Variants in CTIF observed in about 807,000 individuals in gnomAD.
The protein encoded by CTIF is cap binding complex dependent translation initiation factor.
Under a neutral mutation model 66.0 loss-of-function variants are expected in CTIF, and 21 were observed. That is an observed-to-expected ratio of 0.32 (90% CI 0.23 to 0.46). The LOEUF is 0.46. Among genes scored for constraint, CTIF ranks in the 20% least tolerant of loss-of-function variants. The pLI is 1.00. For synonymous variants in CTIF, 345 were observed against 326.4 expected, an observed-to-expected ratio of 1.06 and a Z score of -0.62; for missense variants, 739 against 812.7, an observed-to-expected ratio of 0.91 and a Z score of 1.10.
intron 7 of CTIF, among the ~76,000 whole-genome samples, chr18:48,750,437 A>T (rs957370404): frequency 6.6e-6 from 1 of 152,256 alleles, no homozygotes; most frequent in Non-Finnish European, 1.5e-5. Context: ...CTGCCGCAAG[A>T]TGGAGGAAGG....
chr18:48,655,230 G>A (rs1327791761), intron 3 of CTIF, among the ~76,000 whole-genome samples: 2 of 150,528 alleles, frequency 1.3e-5, no homozygotes, highest in African/African-American at 4.9e-5. Context: ...GCTTGAACCT[G>A]GGAGGCCGAG....
intron 9 of CTIF, among the ~76,000 whole-genome samples, chr18:48,797,301 G>A (rs1424943904): frequency 1.3e-5 from 2 of 152,114 alleles, no homozygotes; most frequent in Non-Finnish European, 2.9e-5. Context: ...TGGCCAACAT[G>A]GTGAAACCCT....
At chr18:48,705,132 T>C (rs889597018) in intron 6 of CTIF, among the ~76,000 whole-genome samples, 9 of 152,290 alleles carry the variant, frequency 5.9e-5, no homozygotes, top group Admixed American at 1.3e-4. Flanking sequence ...GGTGGGGTAA[T>C]GGGTGTCCAC....
chr18:48,561,962 C>A (rs1196650452), intron 1 of CTIF, among the ~76,000 whole-genome samples: 1 of 152,174 alleles, frequency 6.6e-6, no homozygotes, highest in East Asian at 1.9e-4. Flanking sequence ...TGTTTCTTCA[C>A]GTACATCTAC....
chr18:48,629,787 T>TA (rs1358554965), intron 2 of CTIF, among the ~76,000 whole-genome samples: 3 of 152,218 alleles, frequency 2.0e-5, no homozygotes, highest in Non-Finnish European at 2.9e-5. Context: ...CTGGGTGAGT[T>TA]ACTTAACCAC....
chr18:48,859,255 C>A, intron 11 of CTIF, 89 bp from the exon 12 acceptor site: 1 of 1,117,164 alleles, frequency 9.0e-7, no homozygotes, highest in Non-Finnish European at 1.4e-6. Flanking sequence ...GACAACCCAG[C>A]TATTTCCTAT....
At chr18:48,733,678 A>C (rs927613617) in intron 7 of CTIF, among the ~76,000 whole-genome samples, 11 of 152,188 alleles carry the variant, frequency 7.2e-5, no homozygotes, top group Admixed American at 6.5e-5. Flanking sequence ...GAAGGAGGAA[A>C]ATTATCTGAG....
chr18:48,550,968 G>T (rs1206596550), intron 1 of CTIF, among the ~76,000 whole-genome samples: 2 of 152,092 alleles, frequency 1.3e-5, no homozygotes, highest in African/African-American at 4.8e-5. Flanking sequence ...CTCCCTAAGA[G>T]GAAGAAAGGT....
At chr18:48,757,406 T>C (rs1428436540) in intron 7 of CTIF, among the ~76,000 whole-genome samples, 1 of 151,508 alleles carries the variant, frequency 6.6e-6, no homozygotes, top group Non-Finnish European at 1.5e-5. Flanking sequence ...AAAAAAAAAG[T>C]TGTTTGAAAG....
chr18:48,756,393 T>G (rs973015754), intron 7 of CTIF: 3 of 152,210 alleles, frequency 2.0e-5, no homozygotes, highest in African/African-American at 7.2e-5. Context: ...ATACCCTCAA[T>G]TTTTCACAGA....
At chr18:48,611,522 A>T (rs2090307096) in intron 1 of CTIF, among the ~76,000 whole-genome samples, 1 of 152,252 alleles carries the variant, frequency 6.6e-6, no homozygotes, top group African/African-American at 2.4e-5. Context: ...TGAATAATGG[A>T]TAAAGAAGAC....
intron 3 of CTIF, among the ~76,000 whole-genome samples, chr18:48,654,884 A>G (rs1385310386): frequency 5.3e-5 from 8 of 152,124 alleles, no homozygotes; most frequent in Non-Finnish European, 1.0e-4. Flanking sequence ...ACAGAAAACC[A>G]AACACCACAC....
intron 6 of CTIF, among the ~76,000 whole-genome samples, chr18:48,684,592 G>T: frequency 6.6e-6 from 1 of 151,998 alleles, no homozygotes; most frequent in Non-Finnish European, 1.5e-5. Context: ...TAGGTATACC[G>T]AATTTTACTT....
chr18:48,757,654 A>G (rs990689665), intron 7 of CTIF, among the ~76,000 whole-genome samples: 1 of 152,208 alleles, frequency 6.6e-6, no homozygotes, highest in East Asian at 1.9e-4. Flanking sequence ...GCATTCACAC[A>G]TATTCTAGTA....
At chr18:48,849,921 T>C (rs1437253745) in intron 10 of CTIF, among the ~76,000 whole-genome samples, 2 of 152,260 alleles carry the variant, frequency 1.3e-5, no homozygotes, top group Non-Finnish European at 2.9e-5. Context: ...TCTTTGGCAT[T>C]AAGCGTATTC....
At chr18:48,578,062 G>A (rs1256126252) in intron 1 of CTIF, among the ~76,000 whole-genome samples, 2 of 152,124 alleles carry the variant, frequency 1.3e-5, no homozygotes, top group African/African-American at 4.8e-5. Flanking sequence ...TATAAACATG[G>A]AGTTATACAA....
intron 9 of CTIF, among the ~76,000 whole-genome samples, chr18:48,764,554 C>T (rs569989438): frequency 6.6e-6 from 1 of 152,278 alleles, no homozygotes; most frequent in Admixed American, 6.5e-5. Context: ...AGCCTCCCTT[C>T]TCCCGGGCTA....
intron 7 of CTIF, among the ~76,000 whole-genome samples, chr18:48,741,457 C>G (rs1280855328): frequency 2.6e-5 from 3 of 116,534 alleles, no homozygotes; most frequent in African/African-American, 1.0e-4. Context: ...GAGTCTTGTT[C>G]TGTCATCCAG....
chr18:48,596,727 C>T (rs756486970), intron 1 of CTIF, among the ~76,000 whole-genome samples: 3 of 152,132 alleles, frequency 2.0e-5, no homozygotes, highest in South Asian at 2.1e-4. Flanking sequence ...CCGCCCACCT[C>T]GGCCTCCCAA....
Sources: allele counts gnomAD v4.1 joint callset (sites outside exome capture counted in the v4.1 genomes callset), GRCh38; gene constraint gnomAD v4.1.1; transcripts MANE v1.5; gene names NCBI Gene and HGNC (gene_info 2026-07-23, HGNC 2026-07-21).